FAM136A: variants seen among roughly 807,000 people sequenced by gnomAD.
FAM136A encodes the protein TIM double twin CX3C motif protein.
A neutral mutation model predicts 21.6 loss-of-function variants in FAM136A; 25 were observed. That is an observed-to-expected ratio of 1.16 (90% CI 0.84 to 1.62). The LOEUF (loss-of-function observed/expected upper bound fraction) is 1.62, where lower values mean the gene tolerates loss of function less well. Ranked by LOEUF, FAM136A falls within the 40% of genes most tolerant of loss-of-function variation. FAM136A has a pLI of 0.00. For missense variants in FAM136A, 338 were observed against 332.0 expected (o/e 1.02, Z -0.14); for synonymous variants, 119 against 129.4 (o/e 0.92, Z 0.55).
At position 70,301,636 on chromosome 2, in the gene FAM136A, G is replaced by T. The variant is rs896539535; in HGVS notation, c.376C>A (p.Pro126Thr). ...GSPWWQALAPPPSPLTRPLPQ... is the reference protein window; with the variant it reads ...GSPWWQALAPTPSPLTRPLPQ... The stretch of plus-strand genomic sequence containing the variant: ...AGGGGCCGCGTAAGAGGGGAAGGTG[G>T]TGGGGCGAGCGCCTGCCACCAGGGG... Residue 126 changes from proline (P) to threonine (T), a missense_variant, in exon 1 of 3, where the codon CCA becomes ACA. Coordinates refer to ENST00000430566, the MANE Select transcript of FAM136A (RefSeq NM_001329752.2). The T allele has an allele frequency of 7.8e-6, 12 of 1,535,674 alleles. 1 individual carries two copies. In the Admixed American group the frequency reaches 2.2e-4, roughly 28 times the overall value.
intron 2 of FAM136A, among the ~76,000 whole-genome samples, chr2:70,298,759 T>TG (rs897472593): frequency 6.6e-6 from 1 of 151,112 alleles, no homozygotes; most frequent in Middle Eastern, 3.4e-3. Flanking sequence ...GAGGCTGGAG[T>TG]GGGGAAGAGA....
chr2:70,298,582 G>A (rs537095482), intron 2 of FAM136A, among the ~76,000 whole-genome samples: 1 of 152,362 alleles, frequency 6.6e-6, no homozygotes, highest in East Asian at 1.9e-4. Context: ...GGAGGAATTA[G>A]TTGGATATGT....
At chr2:70,301,032 T>C (rs1229524768) in intron 1 of FAM136A, 52 bp from the exon 2 acceptor site, 76 of 1,575,818 alleles carry the variant, frequency 4.8e-5, no homozygotes, top group Non-Finnish European at 6.6e-5. Context: ...GGGACAGAGA[T>C]GACTATGGAG....
At chr2:70,301,169 G>T in intron 1 of FAM136A, 189 bp from the exon 2 acceptor site, 1 of 786,322 alleles carries the variant, frequency 1.3e-6, no homozygotes, top group Non-Finnish European at 2.0e-6. Flanking sequence ...TCAATGTCTA[G>T]TGTAGTGTTT....
Position 70,302,063 on chromosome 2 carries a change from G to GGCGTACGGGC in FAM136A, c.-53_-52insGCCCGTACGC. On this transcript the variant is annotated 5_prime_UTR_variant, in exon 1 of 3. Transcript: ENST00000430566. ...TCCGCGCCGGCGCCCATATGGAATC[G>GGCGTACGGGC]GCGTACGGGCCCGCCCCCTCACCGC... 1 of 1,513,634 alleles carries GGCGTACGGGC rather than the reference G, an allele frequency of 6.6e-7. No homozygotes were observed. Among genetic ancestry groups the GGCGTACGGGC allele is most frequent in the Non-Finnish European group, 8.8e-7 (1 of 1,135,178 alleles). The allele number at this position is 1,513,634 out of a possible 1,614,324, so 93.8% of individuals were successfully genotyped here. A position where few individuals can be genotyped will look rare whatever the true frequency, so the allele number is the denominator to read the frequency against.
chr2:70,299,859 C>T (rs1370404812), intron 2 of FAM136A, among the ~76,000 whole-genome samples: 1 of 151,902 alleles, frequency 6.6e-6, no homozygotes, highest in Non-Finnish European at 1.5e-5. Flanking sequence ...CTCGGCCTCC[C>T]AAAGTGCTGG....
intron 1 of FAM136A, chr2:70,301,189 C>T: frequency 1.3e-6 from 1 of 777,062 alleles, no homozygotes; most frequent in Non-Finnish European, 2.0e-6. Flanking sequence ...TCATGGTGTC[C>T]TTGCTGCTAG....
rs1294530257 is a variant in FAM136A at position 70,302,046 on chromosome 2, G to A, written c.-35C>T. ...GCGCTGCCCCGCGGCGCTCCGCGCC[G>A]GCGCCCATATGGAATCGGCGTACGG... is the stretch of plus-strand genomic sequence containing the variant. On this transcript the variant is annotated 5_prime_UTR_variant, in exon 1 of 3. Coordinates refer to ENST00000430566, the MANE Select transcript of FAM136A (RefSeq NM_001329752.2). The A allele has an allele frequency of 3.9e-6, 6 of 1,543,064 alleles. No individual in the cohort carries two copies. The highest frequency in any genetic ancestry group is 1.2e-5 in the South Asian group (1 of 84,372).
chr2:70,297,410 T>C lies in FAM136A; in HGVS notation c.617A>G (p.Lys206Arg). 6.2e-7 allele frequency: 1 copy of C among 1,613,998 alleles called. No individual in the cohort carries two copies. Among genetic ancestry groups the C allele is most frequent in the Non-Finnish European group, 8.5e-7 (1 of 1,179,900 alleles). ...KAKDSIDAGS[K>R]ELQVKQQLDS... ...CAGCTGCTGCTTCACCTGAAGCTCC[T>C]TACTCCCAGCATCTATTGAATCTTT... Residue 206 changes from lysine (K) to arginine (R), a missense_variant, in exon 3 of 3, where the codon AAG becomes AGG. Physicochemically the swap from Lys to Arg is conservative, Grantham distance 26. Coordinates refer to ENST00000430566, the MANE Select transcript of FAM136A (RefSeq NM_001329752.2).
Position 70,301,959 on chromosome 2 carries a change from T to C in FAM136A, c.53A>G (p.Lys18Arg). 1.2e-6 allele frequency: 2 copies of C among 1,608,950 alleles called. No homozygotes were observed. The highest frequency in any genetic ancestry group is 1.1e-5 in the South Asian group (1 of 90,342). The change falls in exon 1 of 3, where the codon AAG (lysine) becomes AGG (arginine). Residue 18 changes from lysine (K) to arginine (R), a missense_variant. Physicochemically the swap from Lys to Arg is conservative, Grantham distance 26 (BLOSUM62 2). Coordinates refer to ENST00000430566, the MANE Select transcript of FAM136A (RefSeq NM_001329752.2). The part of the protein sequence containing the change: ...RVQEAVESMV[K>R]SLERENIRKM... ...CCGGATGTTCTCTCTTTCCAGACTC[T>C]TCACCATGGACTCCACCGCCTCCTG...
In FAM136A at chr2:70,297,270, T is replaced by A. The variant is rs766678093; in HGVS notation, c.*19A>T. On this transcript the variant is annotated 3_prime_UTR_variant, in exon 3 of 3. Transcript: ENST00000430566. Reference sequence around the variant, plus strand: ...AATATATTCTTGCCCTCAGCCCTGATGGCCACTGGCAAATACTTTTATTTT... The same window carrying A: ...AATATATTCTTGCCCTCAGCCCTGAAGGCCACTGGCAAATACTTTTATTTT... The A allele has an allele frequency of 1.2e-6, 2 of 1,607,692 alleles. No individual in the cohort carries two copies. The highest frequency in any genetic ancestry group is 1.3e-5 in the African/African-American group (1 of 74,892).
At position 70,301,707 on chromosome 2, in the gene FAM136A, G is replaced by A; in HGVS notation, c.305C>T (p.Ala102Val). The change falls in exon 1 of 3, where the codon GCC (alanine) becomes GTC (valine). Residue 102 changes from alanine (A) to valine (V), a missense_variant. Physicochemically the swap from Ala to Val is moderately conservative, Grantham distance 64. Transcript: ENST00000430566. The part of the protein sequence containing the change: ...VPLPCARLFS[A>V]PSSPGQERPR... ...ACGCTCCTGCCCCGGGCTGGAAGGG[G>A]CGGAAAACAGCCTCGCGCACGGCAA... 3 of 1,536,014 alleles carry A rather than the reference G, an allele frequency of 2.0e-6. No homozygotes were observed. The highest frequency in any genetic ancestry group is 2.6e-6 in the Non-Finnish European group (3 of 1,146,430).
At chr2:70,298,242 G>A (rs1300292876) in intron 2 of FAM136A, among the ~76,000 whole-genome samples, 1 of 151,966 alleles carries the variant, frequency 6.6e-6, no homozygotes, top group Admixed American at 6.6e-5. Flanking sequence ...ACAGGCATGC[G>A]CCACCATGCC....
intron 2 of FAM136A, among the ~76,000 whole-genome samples, chr2:70,297,738 A>G (rs904460155): frequency 1.4e-5 from 2 of 147,114 alleles, no homozygotes; most frequent in Non-Finnish European, 3.0e-5. Context: ...GGCTCACGCT[A>G]TCTTTCCACC....
chr2:70,301,287 T>A (rs1398602947), intron 1 of FAM136A: 7 of 1,302,232 alleles, frequency 5.4e-6, no homozygotes, highest in Non-Finnish European at 7.1e-6. Context: ...AGCCAAATTC[T>A]GAAAACCAGG....
intron 2 of FAM136A, among the ~76,000 whole-genome samples, chr2:70,299,726 G>A (rs985147455): frequency 2.6e-5 from 4 of 151,734 alleles, no homozygotes; most frequent in African/African-American, 9.7e-5. Context: ...TCAGCTTCCC[G>A]AGTAGCTGGG....
chr2:70,301,985 C>T lies in FAM136A; in HGVS notation c.27G>A (p.Val9=). The part of the protein sequence containing the change: MAELQQLR[V]QEAVESMVKS... ...TCACCATGGACTCCACCGCCTCCTG[C>T]ACCCGGAGCTGCTGCAGCTCAGCCA... Residue 9 remains valine (V), a synonymous_variant, in exon 1 of 3, where the codon GTG becomes GTA. Transcript: ENST00000430566. 6.2e-7 allele frequency: 1 copy of T among 1,605,920 alleles called. No individual in the cohort carries two copies. The highest frequency in any genetic ancestry group is 8.5e-7 in the Non-Finnish European group (1 of 1,177,496).
Position 70,302,049 on chromosome 2 carries a change from G to A in FAM136A, c.-38C>T, listed in dbSNP as rs570612163. On this transcript the variant is annotated 5_prime_UTR_variant, in exon 1 of 3. Transcript: ENST00000430566. ...CTGCCCCGCGGCGCTCCGCGCCGGC[G>A]CCCATATGGAATCGGCGTACGGGCC... 4.5e-6 allele frequency: 7 copies of A among 1,542,210 alleles called. No homozygotes were observed. The African/African-American group carries it at 9.8e-5, about 22-fold the overall frequency.
chr2:70,297,095 C>A lies in FAM136A; in HGVS notation c.*194G>T. The A allele has an allele frequency of 2.0e-6, 1 of 510,912 alleles. No individual in the cohort carries two copies. Among genetic ancestry groups the A allele is most frequent in the Non-Finnish European group, 3.4e-6 (1 of 292,962 alleles). 31.6% of individuals were successfully genotyped at this position (510,912 alleles called of 1,614,324 possible). On this transcript the variant is annotated 3_prime_UTR_variant, in exon 3 of 3. Transcript: ENST00000430566. Reference sequence around the variant, plus strand: ...TAATATCTCTGACTCGATTTAGCACCACTTTTTTCCATTTCATTTTTTAGG... The same window carrying A: ...TAATATCTCTGACTCGATTTAGCACAACTTTTTTCCATTTCATTTTTTAGG...
Sources: allele counts gnomAD v4.1 joint callset (sites outside exome capture counted in the v4.1 genomes callset), GRCh38; gene constraint gnomAD v4.1.1; transcripts MANE v1.5; gene names NCBI Gene and HGNC (gene_info 2026-07-23, HGNC 2026-07-21).